Variants in TM9SF3 observed in about 807,000 individuals in gnomAD.
TM9SF3 encodes the protein transmembrane 9 superfamily member 3, also known as SM-11044-binding protein.
TM9SF3 carries 14 observed loss-of-function variants against 78.6 expected under a neutral mutation model. The observed-to-expected ratio is 0.18, with a 90% CI of 0.12 to 0.28. The LOEUF is 0.28. Ranked by LOEUF, TM9SF3 falls within the 10% of genes least tolerant of loss-of-function variation. TM9SF3 has a pLI of 1.00. For synonymous variants in TM9SF3, 231 were observed against 241.7 expected (o/e 0.96, Z 0.41); for missense variants, 496 against 721.9 (o/e 0.69, Z 3.59).
rs1848501472 is a variant in TM9SF3 at position 96,576,755 on chromosome 10, C to T, written c.177G>A (p.Lys59=). 3 of 1,607,368 alleles carry T rather than the reference C, an allele frequency of 1.9e-6. No individual in the cohort carries two copies. The highest frequency in any genetic ancestry group is 2.5e-6 in the Non-Finnish European group (3 of 1,177,370). ...CCACACAGAATGGAAGTGAAAAGTA[C>T]TTATATGTTTCTTGACGATTATGGT... ...GPYHNRQETY[K]YFSLPFCVGS... The change falls in exon 2 of 15, where the codon AAG becomes AAA. Residue 59 remains lysine (K), a synonymous_variant. Transcript: ENST00000371142.
chr10:96,537,432 CTG>C (rs1048270340), intron 9 of TM9SF3, among the ~76,000 whole-genome samples: 6 of 152,176 alleles, frequency 3.9e-5, no homozygotes, highest in African/African-American at 1.4e-4. Context: ...TAAGTACACT[CTG>C]AGATGTTCAC....
chr10:96,528,422 CTG>C (rs535601576), intron 11 of TM9SF3, among the ~76,000 whole-genome samples: 43 of 152,052 alleles, frequency 2.8e-4, no homozygotes, highest in African/African-American at 8.9e-4. Context: ...TCTACACAAA[CTG>C]AATAAAACAG....
chr10:96,566,879 G>T (rs576167754), intron 2 of TM9SF3, among the ~76,000 whole-genome samples: 1 of 152,262 alleles, frequency 6.6e-6, no homozygotes, highest in South Asian at 2.1e-4. Flanking sequence ...CTACGGAAGG[G>T]ATATTCAGAA....
chr10:96,528,326 T>A, intron 11 of TM9SF3, 149 bp from the exon 12 acceptor site: 1 of 710,680 alleles, frequency 1.4e-6, no homozygotes, highest in Non-Finnish European at 2.2e-6. Context: ...TACCATGTCT[T>A]CATCAATTAA....
intron 10 of TM9SF3, among the ~76,000 whole-genome samples, chr10:96,531,149 C>T (rs1357020098): frequency 6.6e-6 from 1 of 152,168 alleles, no homozygotes; most frequent in African/African-American, 2.4e-5. Flanking sequence ...AAACTTCATT[C>T]ATTCATTCCA....
At chr10:96,525,573 T>C (rs1847829117) in intron 14 of TM9SF3, among the ~76,000 whole-genome samples, 1 of 152,030 alleles carries the variant, frequency 6.6e-6, no homozygotes, top group African/African-American at 2.4e-5. Flanking sequence ...TAGCTTTTAA[T>C]AAGATTACCA....
chr10:96,586,725 G>C lies in TM9SF3; in HGVS notation c.102+9C>G, dbSNP rs1044385218. 4.1e-6 allele frequency: 5 copies of C among 1,226,148 alleles called. No individual in the cohort carries two copies. In the African/African-American group the frequency reaches 7.9e-5, roughly 19 times the overall value. 76.0% of individuals were successfully genotyped at this position (1,226,148 alleles called of 1,614,324 possible). A position where few individuals can be genotyped will look rare whatever the true frequency, so the allele number is the denominator to read the frequency against. ...GCCCGGGGCGGCCGCGCCGGCCGGGGCGCCTCACCGTGTGTTCGTGCTCGT... is the reference window on the plus strand; with the variant it reads ...GCCCGGGGCGGCCGCGCCGGCCGGGCCGCCTCACCGTGTGTTCGTGCTCGT... On this transcript the variant is annotated intron_variant, in intron 1 of 14. Coordinates refer to ENST00000371142, the MANE Select transcript of TM9SF3 (RefSeq NM_020123.4).
chr10:96,574,579 A>G (rs1848475114), intron 2 of TM9SF3, among the ~76,000 whole-genome samples: 1 of 152,196 alleles, frequency 6.6e-6, no homozygotes, highest in Non-Finnish European at 1.5e-5. Context: ...CTGGGCATAT[A>G]CCCCAAAAAT....
Position 96,520,671 on chromosome 10 carries a change from A to T in TM9SF3, c.*1592T>A. Reference sequence around the variant, plus strand: ...AGTTCCAGAAAAATGTATTCAAATCACTTCTCTTACAAAACTGTAACCTTT... The same window carrying T: ...AGTTCCAGAAAAATGTATTCAAATCTCTTCTCTTACAAAACTGTAACCTTT... On this transcript the variant is annotated 3_prime_UTR_variant, in exon 15 of 15. Transcript: ENST00000371142. The T allele has an allele frequency of 2.6e-6, 1 of 385,460 alleles. No individual in the cohort carries two copies. Among genetic ancestry groups the T allele is most frequent in the Non-Finnish European group, 4.6e-6 (1 of 217,174 alleles). The allele number at this position is 385,460 out of a possible 1,614,324, so 23.9% of individuals were successfully genotyped here. A position where few individuals can be genotyped will look rare whatever the true frequency, so the allele number is the denominator to read the frequency against.
chr10:96,574,429 T>C (rs929721913), intron 2 of TM9SF3, among the ~76,000 whole-genome samples: 4 of 152,154 alleles, frequency 2.6e-5, no homozygotes, highest in Non-Finnish European at 5.9e-5. Context: ...AAACAACAGA[T>C]GCTGGAGAGG....
At chr10:96,561,903 T>C (rs1265810120) in intron 4 of TM9SF3, 75 bp downstream of exon 4, 2 of 1,262,362 alleles carry the variant, frequency 1.6e-6, no homozygotes, top group African/African-American at 3.0e-5. Flanking sequence ...TTTCATTTAC[T>C]AAAGTTCAAA....
intron 9 of TM9SF3, among the ~76,000 whole-genome samples, chr10:96,535,764 T>A (rs1847950721): frequency 6.6e-6 from 1 of 152,180 alleles, no homozygotes; most frequent in Admixed American, 6.5e-5. Flanking sequence ...AATCAAGTAC[T>A]GCCTATTGGT....
At position 96,586,970 on chromosome 10, in the gene TM9SF3, GCTGCCTCCT is replaced by G. The variant is rs1848642613; in HGVS notation, c.-144_-136del. 1.5e-6 allele frequency: 1 copy of G among 658,648 alleles called. No individual in the cohort carries two copies. The allele number at this position is 658,648 out of a possible 1,614,324, so 40.8% of individuals were successfully genotyped here. ...CAGACGCACGGGGCCCGGCCCAGCC[GCTGCCTCCT>G]CTGCCGCCGCCGTCGCCGTCACCGC... On this transcript the variant is annotated 5_prime_UTR_variant, in exon 1 of 15. Coordinates refer to ENST00000371142, the MANE Select transcript of TM9SF3 (RefSeq NM_020123.4).
intron 8 of TM9SF3, among the ~76,000 whole-genome samples, chr10:96,545,915 CAA>C (rs1480606969): frequency 6.6e-6 from 1 of 152,044 alleles, no homozygotes; most frequent in Non-Finnish European, 1.5e-5. Flanking sequence ...ATCAATCAAT[CAA>C]TCAATCTCCT....
chr10:96,556,877 T>C (rs759592509), intron 5 of TM9SF3, among the ~76,000 whole-genome samples: 8 of 152,188 alleles, frequency 5.3e-5, no homozygotes, highest in South Asian at 2.1e-4. Flanking sequence ...GTTAATCCAA[T>C]AGTCACTTTT....
At chr10:96,582,471 T>C (rs113353248) in intron 1 of TM9SF3, among the ~76,000 whole-genome samples, 2,256 of 152,320 alleles carry the variant, frequency 0.015, 34 homozygotes, top group Middle Eastern at 0.017. Flanking sequence ...TTAGGAGACA[T>C]AGTAATCTAA....
At chr10:96,541,339 A>C (rs1848028141) in intron 9 of TM9SF3, among the ~76,000 whole-genome samples, 1 of 152,140 alleles carries the variant, frequency 6.6e-6, no homozygotes, top group Non-Finnish European at 1.5e-5. Context: ...ATAAATTCCC[A>C]AAATAAAAAG....
rs1233383925 is a variant in TM9SF3, at chr10:96,533,288, G to T, written c.1186-98C>A. 8.4e-6 allele frequency: 12 copies of T among 1,421,542 alleles called. No homozygotes were observed. In the African/African-American group the frequency reaches 1.7e-4, roughly 21 times the overall value. 88.1% of individuals were successfully genotyped at this position (1,421,542 alleles called of 1,614,324 possible). A position where few individuals can be genotyped will look rare whatever the true frequency, so the allele number is the denominator to read the frequency against. On this transcript the variant is annotated intron_variant, in intron 9 of 14. Transcript: ENST00000371142. ...ATTTAAACACAATTTGACCACAAAA[G>T]AAAATGTTTAAGTTCAATATGAGCT... is the stretch of plus-strand genomic sequence containing the variant.
intron 12 of TM9SF3, among the ~76,000 whole-genome samples, chr10:96,527,752 T>C (rs1208594320): frequency 6.6e-6 from 1 of 152,130 alleles, no homozygotes; most frequent in East Asian, 1.9e-4. Context: ...ATATCTAAGT[T>C]TCCTTGTGTT....
Sources: gnomAD v4.1 joint callset for allele counts (sites outside exome capture counted in the v4.1 genomes callset) on GRCh38, gnomAD v4.1.1 for gene constraint, MANE v1.5 for transcripts, NCBI Gene and HGNC (gene_info 2026-07-23, HGNC 2026-07-21) for gene names.